COG3: variants seen among roughly 807,000 people sequenced by gnomAD.
COG3 encodes conserved oligomeric Golgi complex subunit 3.
COG3 carries 32 observed loss-of-function variants against 114.1 expected under a neutral mutation model. The observed-to-expected ratio is 0.28, with a 90% CI of 0.21 to 0.38. The LOEUF is 0.38. Ranked by LOEUF, COG3 falls within the 10% of genes least tolerant of loss-of-function variation. The pLI is 1.00. For synonymous variants in COG3, 352 were observed against 365.7 expected, an observed-to-expected ratio of 0.96 and a Z score of 0.43; for missense variants, 813 against 973.2, an observed-to-expected ratio of 0.84 and a Z score of 2.19.
chr13:45,488,202 T>C (rs1446791871), intron 8 of COG3, among the ~76,000 whole-genome samples: 6 of 152,078 alleles, frequency 3.9e-5, no homozygotes, highest in Admixed American at 3.9e-4. Flanking sequence ...GAGAGTAGAA[T>C]GATAGATACC....
intron 15 of COG3, 45 bp from the exon 16 acceptor site, chr13:45,511,719 GT>G: frequency 1.4e-6 from 2 of 1,429,972 alleles, no homozygotes; most frequent in Non-Finnish European, 9.8e-7. Flanking sequence ...CTTTTTTTTT[GT>G]TTTGTCAAAT....
chr13:45,530,733 T>C lies in COG3; in HGVS notation c.2410T>C (p.Phe804Leu), dbSNP rs368099393. 5.6e-6 allele frequency: 9 copies of C among 1,613,344 alleles called. No homozygotes were observed. Among genetic ancestry groups the C allele is most frequent in the Non-Finnish European group, 7.6e-6 (9 of 1,179,446 alleles). ...QKFHALLKEE[F>L]SPEDIQIIAC... ...GTTCCACGCTCTGTTAAAGGAAGAG[T>C]TCAGCCCTGAAGACATCCAGATCAT... Residue 804 changes from phenylalanine (F) to leucine (L), a missense_variant, in exon 22 of 23, where the codon TTC (phenylalanine) becomes CTC (leucine). Phe to Leu is a conservative substitution (Grantham distance 22). This residue lies in a region of COG3 where 389 missense variants were observed against 542.6 expected (regional missense o/e 0.72). Coordinates refer to ENST00000349995, the MANE Select transcript of COG3 (RefSeq NM_031431.4).
At chr13:45,494,249 T>C (rs1593705031) in intron 12 of COG3, among the ~76,000 whole-genome samples, 1 of 148,156 alleles carries the variant, frequency 6.7e-6, no homozygotes, top group Non-Finnish European at 1.5e-5. Flanking sequence ...TGCTGGAACC[T>C]GGGAGGGGGA....
chr13:45,487,539 A>G (rs1886744255), intron 8 of COG3, among the ~76,000 whole-genome samples: 1 of 152,190 alleles, frequency 6.6e-6, no homozygotes, highest in African/African-American at 2.4e-5. Flanking sequence ...TTAACAGAAG[A>G]AGGCCCCAAA....
intron 20 of COG3, 79 bp from the exon 21 acceptor site, chr13:45,529,712 C>T (rs1566275175): frequency 5.5e-6 from 6 of 1,081,138 alleles, no homozygotes; most frequent in Non-Finnish European, 7.8e-6. Context: ...TTTTTTCTCC[C>T]TTTATTCCCC....
intron 14 of COG3, among the ~76,000 whole-genome samples, chr13:45,509,056 T>C (rs1366533415): frequency 6.6e-6 from 1 of 151,090 alleles, no homozygotes; most frequent in African/African-American, 2.4e-5. Flanking sequence ...TTTTTTTTTT[T>C]TGAGACGGAG....
At chr13:45,476,945 G>A (rs1885906326) in intron 2 of COG3, among the ~76,000 whole-genome samples, 1 of 152,170 alleles carries the variant, frequency 6.6e-6, no homozygotes, top group African/African-American at 2.4e-5. Flanking sequence ...TATATAGTAA[G>A]TTGAGAGAGG....
chr13:45,465,319 C>T lies in COG3; in HGVS notation c.174+109C>T, dbSNP rs1051469523. The T allele has an allele frequency of 1.3e-5, 19 of 1,436,290 alleles. No individual in the cohort carries two copies. In the African/African-American group the frequency reaches 1.7e-4, roughly 13 times the overall value. 89.0% of individuals were successfully genotyped at this position (1,436,290 alleles called of 1,614,324 possible). ...CCTCTGCCCAGGATATCTCTCCACT[C>T]CTCCCTGGCCATGGTGGCGGATCCG... On this transcript the variant is annotated intron_variant, in intron 1 of 22. Transcript: ENST00000349995.
At chr13:45,507,574 G>A (rs1870301968) in intron 14 of COG3, among the ~76,000 whole-genome samples, 1 of 151,944 alleles carries the variant, frequency 6.6e-6, no homozygotes, top group Admixed American at 6.6e-5. Flanking sequence ...AGACCAGCCT[G>A]ACTAACATGG....
intron 13 of COG3, among the ~76,000 whole-genome samples, chr13:45,499,942 C>T (rs370592903): frequency 7.3e-5 from 11 of 151,716 alleles, no homozygotes; most frequent in Admixed American, 5.3e-4. Context: ...CACCTGAGCC[C>T]GGGAGATGGA....
chr13:45,491,297 T>G, intron 9 of COG3, 115 bp from the exon 10 acceptor site: 24 of 1,017,720 alleles, frequency 2.4e-5, no homozygotes, highest in Non-Finnish European at 3.0e-5. Flanking sequence ...TGTGGGCAAA[T>G]GAGAGGTGAC....
intron 1 of COG3, among the ~76,000 whole-genome samples, chr13:45,472,965 G>T (rs1388895749): frequency 6.6e-6 from 1 of 152,130 alleles, no homozygotes. Flanking sequence ...CGCCTCCTGG[G>T]TTCATGCCAT....
In COG3 at chr13:45,480,298, G is replaced by T. The variant is rs1467834169; in HGVS notation, c.549+8G>T. 6.3e-7 allele frequency: 1 copy of T among 1,588,732 alleles called. No homozygotes were observed. The highest frequency in any genetic ancestry group is 1.1e-5 in the South Asian group (1 of 88,858). ...CAGCTCCTAAAAGAACAGGTAATTT[G>T]GAGTAAGAGAGAGGATCAGTCATTA... On this transcript the variant is annotated splice_region_variant and intron_variant, in intron 4 of 22. Coordinates refer to ENST00000349995, the MANE Select transcript of COG3 (RefSeq NM_031431.4).
At chr13:45,514,157 C>CTT (rs57033822) in intron 16 of COG3, among the ~76,000 whole-genome samples, 43,164 of 93,704 alleles carry the variant, frequency 0.46, 12,343 homozygotes, top group African/African-American at 0.61. Flanking sequence ...TGTCCTCTCT[C>CTT]TTTTTTTTTT....
chr13:45,519,049 G>T lies in COG3; in HGVS notation c.2109G>T (p.Gln703His). 1.9e-6 allele frequency: 3 copies of T among 1,614,184 alleles called. No individual in the cohort carries two copies. Among genetic ancestry groups the T allele is most frequent in the Non-Finnish European group, 2.5e-6 (3 of 1,180,026 alleles). Residue 703 changes from glutamine (Q) to histidine (H), a missense_variant, in exon 19 of 23, where the codon CAG becomes CAT. This residue lies in a region of COG3 where 389 missense variants were observed against 542.6 expected (regional missense o/e 0.72). Coordinates refer to ENST00000349995, the MANE Select transcript of COG3 (RefSeq NM_031431.4). ...CGGCCTGTGAGCAGTTTATTCAGCAGCAGACCAAGCTGTTTGTAGAACAGC... is the reference window on the plus strand; with the variant it reads ...CGGCCTGTGAGCAGTTTATTCAGCATCAGACCAAGCTGTTTGTAGAACAGC... The part of the protein sequence containing the change: ...LKSACEQFIQ[Q>H]QTKLFVEQLE...
intron 1 of COG3, among the ~76,000 whole-genome samples, chr13:45,475,455 C>T (rs1885802291): frequency 6.6e-6 from 1 of 152,076 alleles, no homozygotes; most frequent in Non-Finnish European, 1.5e-5. Context: ...CCACCCAACT[C>T]TGCCTCTCAA....
intron 5 of COG3, 48 bp from the exon 6 acceptor site, chr13:45,482,333 T>C (rs750039086): frequency 2.0e-6 from 2 of 979,178 alleles, no homozygotes; most frequent in South Asian, 2.9e-5. Context: ...CCAACTTTTA[T>C]CTGTATCATT....
intron 12 of COG3, among the ~76,000 whole-genome samples, chr13:45,494,868 T>TC (rs1868559214): frequency 6.8e-6 from 1 of 148,056 alleles, no homozygotes; most frequent in South Asian, 2.2e-4. Flanking sequence ...TCTTTTCTTT[T>TC]TTTTTTTTTT....
At chr13:45,484,808 G>C (rs1455292837) in intron 7 of COG3, among the ~76,000 whole-genome samples, 1 of 145,058 alleles carries the variant, frequency 6.9e-6, no homozygotes, top group Non-Finnish European at 1.5e-5. Flanking sequence ...GACTCTTAAC[G>C]AGCATGCTGC....
Sources: gnomAD v4.1 joint callset for allele counts (sites outside exome capture counted in the v4.1 genomes callset) on GRCh38, gnomAD v4.1.1 for gene constraint, gnomAD v4.1.1 regional missense constraint, MANE v1.5 for transcripts, NCBI Gene and HGNC (gene_info 2026-07-23, HGNC 2026-07-21) for gene names.